Variants in HMGB3 observed in about 807,000 individuals in gnomAD.
HMGB3 encodes the protein high mobility group protein B3.
In HMGB3, 1 loss-of-function variant was observed where a neutral mutation model predicts 12.9. The observed-to-expected ratio is 0.08, with a 90% CI of 0.03 to 0.37. The LOEUF is 0.37. Among genes scored for constraint, HMGB3 ranks in the 10% least tolerant of loss-of-function variants. HMGB3 has a pLI of 0.99. For missense variants in HMGB3, 74 were observed against 153.3 expected, an observed-to-expected ratio of 0.48 and a Z score of 2.73; for synonymous variants, 61 against 53.9, an observed-to-expected ratio of 1.13 and a Z score of -0.57.
intron 1 of HMGB3, chrX:150,985,385 C>T (rs2048042065): frequency 2.9e-6 from 1 of 342,807 alleles, no homozygotes; most frequent in African/African-American, 2.6e-5. Context: ...CAGCGCGCTT[C>T]GTGCTGGTCA....
chrX:150,980,769 C>T, upstream of HMGB3: 1 of 176,403 alleles, frequency 5.7e-6, no homozygotes, highest in Non-Finnish European at 9.1e-6. Flanking sequence ...CTCTGGTTTG[C>T]CCTTGAAGCT....
chrX:150,987,088 T>A, intron 3 of HMGB3, 40 bp from the exon 4 acceptor site: 2 of 1,090,231 alleles, frequency 1.8e-6, no homozygotes, highest in Non-Finnish European at 2.5e-6. Context: ...TAACTCAAAT[T>A]TTTTGTGGTT....
rs1557425256 is a variant in HMGB3, at chrX:150,987,194, T to C, written c.357T>C (p.Ser119=). The change falls in exon 4 of 5, where the codon TCT becomes TCC. Residue 119 remains serine, a synonymous_variant. Coordinates refer to ENST00000325307, the MANE Select transcript of HMGB3 (RefSeq NM_005342.4). The part of the protein sequence containing the change: ...PKIKSTNPGI[S]IGDVAKKLGE... Reference sequence around the variant, plus strand: ...TCAAATCCACAAACCCCGGCATCTCTATTGGAGACGTGGCAAAAAAGCTGG... The same window carrying C: ...TCAAATCCACAAACCCCGGCATCTCCATTGGAGACGTGGCAAAAAAGCTGG... 2.5e-6 allele frequency: 3 copies of C among 1,205,625 alleles called. No individual in the cohort carries two copies. The highest frequency in any genetic ancestry group is 3.0e-5 in the East Asian group (1 of 33,773).
At chrX:150,986,607 C>A (rs781970016) in intron 3 of HMGB3, among the ~76,000 whole-genome samples, 1 of 110,515 alleles carries the variant, frequency 9.0e-6, no homozygotes, top group Non-Finnish European at 1.9e-5. Context: ...TATATATATG[C>A]GCGTATATAT....
chrX:150,987,000 A>G (rs2048060440), intron 3 of HMGB3, 128 bp from the exon 4 acceptor site: 1 of 489,852 alleles, frequency 2.0e-6, no homozygotes, highest in Admixed American at 3.6e-5. Context: ...TGTATATGGT[A>G]TCATAGATTA....
chrX:150,985,542 C>T (rs371396619), intron 1 of HMGB3, 53 bp from the exon 2 acceptor site: 38 of 1,028,024 alleles, frequency 3.7e-5, no homozygotes, highest in East Asian at 3.7e-4. Context: ...TACTTCTTGT[C>T]AATTCCTCCT....
chrX:150,989,841 C>T lies in HMGB3; in HGVS notation c.*1927C>T. ...CTTGCATGTCTGGAGGCGGTGTCCT[C>T]TCCGCCCTGTCGGGTCCTGGATGAG... On this transcript the variant is annotated 3_prime_UTR_variant, in exon 5 of 5. Transcript: ENST00000325307. The T allele has an allele frequency of 8.9e-6, 1 of 111,980 alleles. No homozygotes were observed. The highest frequency in any genetic ancestry group is 1.9e-5 in the Non-Finnish European group (1 of 53,241). 9.2% of individuals were successfully genotyped at this position (111,980 alleles called of 1,213,427 possible).
chrX:150,983,392 C>G lies in HMGB3; in HGVS notation c.-6+16C>G. 1.3e-6 allele frequency: 1 copy of G among 742,145 alleles called. No homozygotes were observed. The highest frequency in any genetic ancestry group is 1.6e-6 in the Non-Finnish European group (1 of 636,604). The allele number at this position is 742,145 out of a possible 1,213,427, so 61.2% of individuals were successfully genotyped here. On this transcript the variant is annotated intron_variant, in intron 1 of 4. Transcript: ENST00000325307. ...AACAATACAGGTACGTCTCGCACCG[C>G]CCGCTCCCGCCGCCGCCGCCGCCGC...
chrX:150,984,556 C>T (rs2048031347), intron 1 of HMGB3: 1 of 737,251 alleles, frequency 1.4e-6, no homozygotes. Flanking sequence ...CCCCGCGCGT[C>T]CCCCGGGGAT....
intron 4 of HMGB3, 30 bp from the exon 5 acceptor site, chrX:150,987,747 C>T: frequency 8.7e-7 from 1 of 1,154,376 alleles, no homozygotes; most frequent in Non-Finnish European, 1.2e-6. Flanking sequence ...CAGCCGCATA[C>T]TCATTTGAAA....
At position 150,990,666 on chromosome X, in the gene HMGB3, A is replaced by G. The variant is rs2048103416; in HGVS notation, c.*2752A>G. 9.1e-6 allele frequency: 1 copy of G among 110,184 alleles called. No individual in the cohort carries two copies. Among genetic ancestry groups the G allele is most frequent in the African/African-American group, 3.3e-5 (1 of 30,192 alleles). The allele number at this position is 110,184 out of a possible 1,213,427, so 9.1% of individuals were successfully genotyped here. A position where few individuals can be genotyped will look rare whatever the true frequency, so the allele number is the denominator to read the frequency against. On this transcript the variant is annotated 3_prime_UTR_variant, in exon 5 of 5. Transcript: ENST00000325307. ...AGAACAAGGCTGTGATGTAGTGACT[A>G]TTGTCTGTGTCTCCTGTGTGTGTCT... is the stretch of plus-strand genomic sequence containing the variant.
In HMGB3 at chrX:150,986,141, G is replaced by A; in HGVS notation, c.241G>A (p.Ala81Thr). ...YDREMKDYGP[A>T]KGGKKKKDPN... ...TCGGGAAATGAAGGATTATGGACCA[G>A]CTAAGGGAGGCAAGAAGAAGAAGGA... is the stretch of plus-strand genomic sequence containing the variant. The change falls in exon 3 of 5, where the codon GCT becomes ACT. Residue 81 changes from alanine to threonine, a missense_variant. Around this residue, in one of 2 missense-constraint regions of HMGB3, gnomAD observed 45 missense variants for 123.8 expected, o/e 0.36. Transcript: ENST00000325307. 1 of 1,204,689 alleles carries A rather than the reference G, an allele frequency of 8.3e-7. No homozygotes were observed. The highest frequency in any genetic ancestry group is 1.7e-5 in the African/African-American group (1 of 57,393).
intron 1 of HMGB3, chrX:150,983,674 C>G (rs2124443261): frequency 1.6e-6 from 1 of 615,906 alleles, no homozygotes; most frequent in African/African-American, 2.5e-5. Flanking sequence ...CCGTGGCGGC[C>G]CCAGGGGCCG....
chrX:150,982,448 CA>C (rs2047998283), upstream of HMGB3, among the ~76,000 whole-genome samples: 1 of 112,405 alleles, frequency 8.9e-6, no homozygotes, highest in Non-Finnish European at 1.9e-5. Context: ...TTCATTCATT[CA>C]TTCACTCATT....
chrX:150,986,604 A>G (rs1214890034), intron 3 of HMGB3, among the ~76,000 whole-genome samples: 2 of 110,895 alleles, frequency 1.8e-5, no homozygotes, highest in Non-Finnish European at 3.8e-5. Flanking sequence ...CCATATATAT[A>G]TGCGCGTATA....
At chrX:150,983,633 T>G in intron 1 of HMGB3, 4 of 744,562 alleles carry the variant, frequency 5.4e-6, no homozygotes, top group Non-Finnish European at 6.3e-6. Context: ...CTCCCCGCTT[T>G]CGGGGGTCGG....
intron 1 of HMGB3, chrX:150,984,583 AG>A: frequency 1.3e-6 from 1 of 747,881 alleles, no homozygotes; most frequent in Non-Finnish European, 1.6e-6. Flanking sequence ...GGCGGATTTC[AG>A]GGGCACTTTC....
At chrX:150,984,344 GGT>G (rs1322276478) in intron 1 of HMGB3, among the ~76,000 whole-genome samples, 20 of 96,099 alleles carry the variant, frequency 2.1e-4, no homozygotes, top group Non-Finnish European at 4.3e-4. Context: ...GGCGGGGCGG[GGT>G]GGGGGCCGAC....
rs1366326235 is a variant in HMGB3, at chrX:150,990,637, G to A, written c.*2723G>A. 3.6e-5 allele frequency: 4 copies of A among 109,885 alleles called. No individual in the cohort carries two copies. Among genetic ancestry groups the A allele is most frequent in the African/African-American group, 1.3e-4 (4 of 30,100 alleles). 9.1% of individuals were successfully genotyped at this position (109,885 alleles called of 1,213,427 possible). On this transcript the variant is annotated 3_prime_UTR_variant, in exon 5 of 5. Coordinates refer to ENST00000325307, the MANE Select transcript of HMGB3 (RefSeq NM_005342.4). ...ATTCTTGAATGACATTTTATCCTTC[G>A]GAAAGAACAAGGCTGTGATGTAGTG... is the stretch of plus-strand genomic sequence containing the variant.
Sources: gnomAD v4.1 joint callset for allele counts (sites outside exome capture counted in the v4.1 genomes callset) on GRCh38, gnomAD v4.1.1 for gene constraint, gnomAD v4.1.1 regional missense constraint, MANE v1.5 for transcripts, NCBI Gene and HGNC (gene_info 2026-07-23, HGNC 2026-07-21) for gene names.